The following PGGT1B variants were observed in gnomAD, a reference collection of about 807,000 sequenced individuals.
The protein encoded by PGGT1B is protein geranylgeranyltransferase type I subunit beta.
PGGT1B carries 30 observed loss-of-function variants against 46.1 expected under a neutral mutation model. The observed-to-expected ratio is 0.65, with a 90% confidence interval of 0.49 to 0.88. PGGT1B has a LOEUF of 0.88. PGGT1B is among the 40% of genes least tolerant of loss of function. The pLI is 0.00. For missense variants in PGGT1B, 376 were observed against 455.9 expected (o/e 0.82, Z 1.60); for synonymous variants, 170 against 160.0 (o/e 1.06, Z -0.47).
intron 6 of PGGT1B, among the ~76,000 whole-genome samples, chr5:115,222,741 A>C (rs1483044707): frequency 6.6e-6 from 1 of 152,252 alleles, no homozygotes; most frequent in African/African-American, 2.4e-5. Context: ...TCCATCAATG[A>C]TAGACTGGAT....
At chr5:115,258,981 C>G (rs1296016658) in intron 1 of PGGT1B, among the ~76,000 whole-genome samples, 1 of 152,206 alleles carries the variant, frequency 6.6e-6, no homozygotes, top group Non-Finnish European at 1.5e-5. Flanking sequence ...TAGACGTTCT[C>G]TGCTGCTCCT....
At chr5:115,234,542 A>T (rs891009983) in intron 5 of PGGT1B, among the ~76,000 whole-genome samples, 1 of 152,080 alleles carries the variant, frequency 6.6e-6, no homozygotes, top group African/African-American at 2.4e-5. Context: ...GTGAAGGAAA[A>T]GCCTAAAATG....
Position 115,212,440 on chromosome 5 carries a change from AGTC to A in PGGT1B, c.1093_1095del (p.Asp365del). The A allele has an allele frequency of 6.4e-7, 1 of 1,572,270 alleles. No individual in the cohort carries two copies. Among genetic ancestry groups the A allele is most frequent in the African/African-American group, 1.3e-5 (1 of 74,462 alleles). ...TGTACATTCTCTGAGCATTGTTTAG[AGTC>A]CTTGGTTTTCCAGCTTTGATGGAGA... On this transcript the variant is annotated inframe_deletion, in exon 9 of 9. Transcript: ENST00000419445.
chr5:115,206,927 G>C lies in PGGT1B; in HGVS notation c.*5475C>G, dbSNP rs985230989. 4 of 151,432 alleles carry C rather than the reference G, an allele frequency of 2.6e-5. No individual in the cohort carries two copies. The highest frequency in any genetic ancestry group is 9.7e-5 in the African/African-American group (4 of 41,274). The allele number at this position is 151,432 out of a possible 1,614,324, so 9.4% of individuals were successfully genotyped here. On this transcript the variant is annotated 3_prime_UTR_variant, in exon 9 of 9. Coordinates refer to ENST00000419445, the MANE Select transcript of PGGT1B (RefSeq NM_005023.4). ...CTCAAATAACAATATAATTTTTATT[G>C]GAATGGCACTGAATTTATAAATGAA... is the stretch of plus-strand genomic sequence containing the variant.
intron 1 of PGGT1B, among the ~76,000 whole-genome samples, chr5:115,255,993 C>A (rs1203785160): frequency 2.0e-5 from 3 of 152,144 alleles, no homozygotes; most frequent in African/African-American, 7.2e-5. Flanking sequence ...ACTTCACAAT[C>A]AAATCTATGG....
Position 115,231,009 on chromosome 5 carries a change from C to T in PGGT1B, c.625G>A (p.Gly209Arg), listed in dbSNP as rs751988055. ...TCAAGTCCAGCTCCCTGTGCCAGTC[C>T]ATTGTCATAGGACTGAAAAAGAAAA... ...YIRRSMSYDN[G>R]LAQGAGLESH... The change falls in exon 6 of 9, where the codon GGA becomes AGA. Residue 209 changes from glycine to arginine, a missense_variant. By Grantham distance (125) the Gly-to-Arg change is moderately radical. Around this residue, in one of 2 missense-constraint regions of PGGT1B, gnomAD observed 222 missense variants for 313.6 expected, o/e 0.71. Transcript: ENST00000419445. 6.4e-7 allele frequency: 1 copy of T among 1,560,918 alleles called. No individual in the cohort carries two copies.
intron 5 of PGGT1B, among the ~76,000 whole-genome samples, chr5:115,235,040 A>C (rs1252517587): frequency 1.3e-5 from 2 of 151,994 alleles, no homozygotes; most frequent in Non-Finnish European, 2.9e-5. Context: ...CAAAGAAATG[A>C]CTGATTCCAG....
At chr5:115,251,654 T>C (rs1233831434) in intron 2 of PGGT1B, among the ~76,000 whole-genome samples, 2 of 152,014 alleles carry the variant, frequency 1.3e-5, no homozygotes, top group East Asian at 3.9e-4. Flanking sequence ...ATAAAGACAA[T>C]AGCTATTTTA....
chr5:115,243,890 G>A (rs1054758137), intron 2 of PGGT1B, among the ~76,000 whole-genome samples: 1 of 152,014 alleles, frequency 6.6e-6, no homozygotes, highest in Non-Finnish European at 1.5e-5. Context: ...AGTGGCAACG[G>A]CACTCAAATC....
intron 2 of PGGT1B, among the ~76,000 whole-genome samples, chr5:115,249,147 T>A (rs1001963178): frequency 1.2e-4 from 18 of 151,652 alleles, no homozygotes; most frequent in Non-Finnish European, 4.4e-5. Context: ...TCCCATCTAC[T>A]TCCCCCTCCA....
intron 2 of PGGT1B, among the ~76,000 whole-genome samples, chr5:115,250,994 C>G (rs187012206): frequency 6.6e-6 from 1 of 152,192 alleles, no homozygotes; most frequent in Admixed American, 6.5e-5. Context: ...GCTAATATAT[C>G]CTTTATCCAT....
chr5:115,208,341 T>G lies in PGGT1B; in HGVS notation c.*4061A>C, dbSNP rs376083780. The stretch of plus-strand genomic sequence containing the variant: ...AAGCAAGAATGGGATTATTTAATCT[T>G]AAAAGGTTTGGTAGAAATCCCCTTG... On this transcript the variant is annotated 3_prime_UTR_variant, in exon 9 of 9. Transcript: ENST00000419445. The G allele has an allele frequency of 2.3e-4, 35 of 152,128 alleles. No homozygotes were observed. The East Asian group carries it at 5.8e-3, about 25-fold the overall frequency. 9.4% of individuals were successfully genotyped at this position (152,128 alleles called of 1,614,324 possible). A position where few individuals can be genotyped will look rare whatever the true frequency, so the allele number is the denominator to read the frequency against.
rs1281836017 is a variant in PGGT1B at position 115,204,684 on chromosome 5, T to C, written c.*7718A>G. On this transcript the variant is annotated 3_prime_UTR_variant, in exon 9 of 9. Transcript: ENST00000419445. The stretch of plus-strand genomic sequence containing the variant: ...TACACTGTTTCTGGATGGCAATTCT[T>C]GGCAGTAACTACCAATATTTTTAAA... 1 of 152,198 alleles carries C rather than the reference T, an allele frequency of 6.6e-6. No individual in the cohort carries two copies. The highest frequency in any genetic ancestry group is 2.4e-5 in the African/African-American group (1 of 41,456). 9.4% of individuals were successfully genotyped at this position (152,198 alleles called of 1,614,324 possible). A position where few individuals can be genotyped will look rare whatever the true frequency, so the allele number is the denominator to read the frequency against.
intron 6 of PGGT1B, among the ~76,000 whole-genome samples, chr5:115,229,785 C>T (rs191074388): frequency 9.9e-5 from 15 of 152,162 alleles, no homozygotes; most frequent in Non-Finnish European, 1.5e-5. Context: ...GTGGTGATGA[C>T]TAGTAACATA....
At chr5:115,220,124 G>A (rs970252480) in intron 7 of PGGT1B, among the ~76,000 whole-genome samples, 5 of 151,608 alleles carry the variant, frequency 3.3e-5, no homozygotes, top group Middle Eastern at 3.4e-3. Context: ...ATGAAAGCAC[G>A]GACTTGAACA....
In PGGT1B at chr5:115,236,371, T is replaced by C. The variant is rs765648573; in HGVS notation, c.612+19A>G. Reference sequence around the variant, plus strand: ...CAGCAAAAACAACCTAAATAGTCAATTTTATCAACAGAACTCACCATACTC... The same window carrying C: ...CAGCAAAAACAACCTAAATAGTCAACTTTATCAACAGAACTCACCATACTC... On this transcript the variant is annotated intron_variant, in intron 5 of 8. Transcript: ENST00000419445. The C allele has an allele frequency of 1.4e-4, 215 of 1,583,584 alleles. No individual in the cohort carries two copies. Among genetic ancestry groups the C allele is most frequent in the Non-Finnish European group, 1.7e-4 (199 of 1,167,484 alleles).
At chr5:115,257,930 A>G (rs1748393577) in intron 1 of PGGT1B, among the ~76,000 whole-genome samples, 1 of 152,224 alleles carries the variant, frequency 6.6e-6, no homozygotes, top group Non-Finnish European at 1.5e-5. Context: ...ATGCTGCCAT[A>G]ATACTTCGAA....
chr5:115,212,886 T>A (rs1457530030), intron 8 of PGGT1B, among the ~76,000 whole-genome samples: 1 of 152,190 alleles, frequency 6.6e-6, no homozygotes, highest in Non-Finnish European at 1.5e-5. Flanking sequence ...GCAGCAGTCA[T>A]ATGTAAGACT....
intron 8 of PGGT1B, 94 bp from the exon 9 acceptor site, chr5:115,212,677 A>C: frequency 1.3e-6 from 1 of 792,558 alleles, no homozygotes; most frequent in Non-Finnish European, 2.0e-6. Context: ...CCATCACTCC[A>C]TTAAAAGTAA....
Sources: gnomAD v4.1 joint callset for allele counts (sites outside exome capture counted in the v4.1 genomes callset) on GRCh38, gnomAD v4.1.1 for gene constraint, gnomAD v4.1.1 regional missense constraint, MANE v1.5 for transcripts, NCBI Gene and HGNC (gene_info 2026-07-23, HGNC 2026-07-21) for gene names.